The following TRPC4AP variants were observed in gnomAD, a reference collection of about 807,000 sequenced individuals.
The protein encoded by TRPC4AP is transient receptor potential cation channel subfamily C member 4 associated protein.
A neutral mutation model predicts 99.0 loss-of-function variants in TRPC4AP; 45 were observed. That is an observed-to-expected ratio of 0.45 (90% CI 0.36 to 0.58). The LOEUF is 0.58. TRPC4AP is among the 20% of genes least tolerant of loss of function. The pLI, the probability that TRPC4AP is intolerant of heterozygous loss-of-function variation, is 0.00. For missense variants in TRPC4AP, 879 were observed against 985.3 expected, an observed-to-expected ratio of 0.89 and a Z score of 1.44; for synonymous variants, 408 against 385.8, an observed-to-expected ratio of 1.06 and a Z score of -0.67.
At chr20:35,010,410 A>C in intron 11 of TRPC4AP, 122 bp from the exon 12 acceptor site, 4 of 747,956 alleles carry the variant, frequency 5.3e-6, no homozygotes, top group Non-Finnish European at 9.0e-6. Context: ...GCCACCAGGC[A>C]CTTTCCTCTA....
intron 17 of TRPC4AP, 138 bp from the exon 18 acceptor site, chr20:35,003,754 G>A (rs2082450212): frequency 2.1e-6 from 2 of 942,714 alleles, no homozygotes; most frequent in South Asian, 1.7e-5. Flanking sequence ...GCACAGAGGT[G>A]AGATAGGACT....
chr20:35,075,356 A>C (rs535837661), intron 2 of TRPC4AP, among the ~76,000 whole-genome samples: 7 of 152,220 alleles, frequency 4.6e-5, no homozygotes, highest in Non-Finnish European at 7.4e-5. Context: ...CTAGCATCGA[A>C]GGTCTTTACA....
Position 35,055,025 on chromosome 20 carries a change from T to A in TRPC4AP, c.479A>T (p.Asp160Val). 6.2e-7 allele frequency: 1 copy of A among 1,613,620 alleles called. No homozygotes were observed. The highest frequency in any genetic ancestry group is 8.5e-7 in the Non-Finnish European group (1 of 1,179,708). ...ACTCAAGCAGTCCTTGGACATTTCA[T>A]CACTTACTGAAAGTGAAAGGGTAAT... is the stretch of plus-strand genomic sequence containing the variant. ...SIRGQKLKISDEMSKDCLSIL... is the reference protein window; with the variant it reads ...SIRGQKLKISVEMSKDCLSIL... The change falls in exon 5 of 19, where the codon GAT becomes GTT. Residue 160 changes from aspartate to valine, a missense_variant. Asp to Val is a radical substitution (Grantham distance 152). Transcript: ENST00000252015.
chr20:35,091,469 A>T (rs1364554333), intron 1 of TRPC4AP, among the ~76,000 whole-genome samples: 1 of 152,172 alleles, frequency 6.6e-6, no homozygotes, highest in Non-Finnish European at 1.5e-5. Context: ...AAATAAAGTT[A>T]CACTGTGAAA....
Position 35,003,131 on chromosome 20 carries a change from A to T in TRPC4AP, c.*15T>A. 1 of 1,613,818 alleles carries T rather than the reference A, an allele frequency of 6.2e-7. No homozygotes were observed. The highest frequency in any genetic ancestry group is 8.5e-7 in the Non-Finnish European group (1 of 1,179,854). ...CCCACACTGGCCCAGCAGCCTCCCG[A>T]GGCCTGGCCCAAGGTCACTCCTCAG... On this transcript the variant is annotated 3_prime_UTR_variant, in exon 19 of 19. Transcript: ENST00000252015.
At chr20:35,084,524 A>ATATATG (rs2146034035) in intron 1 of TRPC4AP, among the ~76,000 whole-genome samples, 1 of 148,168 alleles carries the variant, frequency 6.7e-6, no homozygotes, top group African/African-American at 2.5e-5. Context: ...ATATATGTGT[A>ATATATG]TATATGTATA....
intron 8 of TRPC4AP, 35 bp downstream of exon 8, chr20:35,035,088 G>A: frequency 6.3e-7 from 1 of 1,574,858 alleles, no homozygotes; most frequent in South Asian, 1.2e-5. Flanking sequence ...CCAAGGAAAA[G>A]CTCCCGATCA....
intron 2 of TRPC4AP, among the ~76,000 whole-genome samples, chr20:35,071,027 C>G (rs1447696297): frequency 2.0e-5 from 3 of 150,780 alleles, no homozygotes; most frequent in Admixed American, 6.6e-5. Context: ...TTGCAAGAAG[C>G]AAATAATGTG....
intron 3 of TRPC4AP, among the ~76,000 whole-genome samples, chr20:35,062,958 T>C (rs1600624937): frequency 6.6e-6 from 1 of 152,256 alleles, no homozygotes; most frequent in Admixed American, 6.5e-5. Context: ...TCTGTTGATA[T>C]GAAATATCCG....
intron 3 of TRPC4AP, among the ~76,000 whole-genome samples, chr20:35,058,071 C>A (rs549548236): frequency 3.3e-5 from 5 of 151,818 alleles, no homozygotes; most frequent in Non-Finnish European, 1.5e-5. Flanking sequence ...ATTCATTCTA[C>A]GGAGAGAAAG....
At chr20:35,015,926 G>T in intron 10 of TRPC4AP, 82 bp downstream of exon 10, 1 of 1,568,896 alleles carries the variant, frequency 6.4e-7, no homozygotes, top group Non-Finnish European at 8.7e-7. Flanking sequence ...AAGGAAAAAA[G>T]GTCAAAGGGT....
At chr20:35,069,876 CG>C (rs2084258257) in intron 2 of TRPC4AP, among the ~76,000 whole-genome samples, 2 of 152,050 alleles carry the variant, frequency 1.3e-5, no homozygotes, top group African/African-American at 4.8e-5. Flanking sequence ...CGGAGGCAGA[CG>C]TTGCAGTGAG....
chr20:35,015,909 A>T lies in TRPC4AP; in HGVS notation c.1350+99T>A, dbSNP rs1387840077. On this transcript the variant is annotated intron_variant, in intron 10 of 18. Coordinates refer to ENST00000252015, the MANE Select transcript of TRPC4AP (RefSeq NM_015638.3). ...AAGATATGATTTTAGTTTCTGCTCT[A>T]CTCCCAAAGGAAAAAAGGTCAAAGG... 2.7e-6 allele frequency: 4 copies of T among 1,493,254 alleles called. No individual in the cohort carries two copies. The Admixed American group carries it at 6.0e-5, about 22-fold the overall frequency. 92.5% of individuals were successfully genotyped at this position (1,493,254 alleles called of 1,614,324 possible). A position where few individuals can be genotyped will look rare whatever the true frequency, so the allele number is the denominator to read the frequency against.
intron 1 of TRPC4AP, among the ~76,000 whole-genome samples, chr20:35,086,535 G>GA (rs2084879734): frequency 5.6e-5 from 1 of 17,746 alleles, no homozygotes; most frequent in African/African-American, 3.3e-4. Flanking sequence ...ATGTGTGTGT[G>GA]TGTGTGTGTG....
intron 6 of TRPC4AP, among the ~76,000 whole-genome samples, chr20:35,045,533 GCTA>G (rs1009851392): frequency 7.9e-5 from 12 of 151,862 alleles, no homozygotes; most frequent in African/African-American, 7.3e-5. Flanking sequence ...ATTACACCTG[GCTA>G]CTTTTTTAAT....
At chr20:35,033,255 TTTG>T (rs1354883552) in intron 8 of TRPC4AP, among the ~76,000 whole-genome samples, 1 of 151,970 alleles carries the variant, frequency 6.6e-6, no homozygotes, top group Non-Finnish European at 1.5e-5. Flanking sequence ...TCCTTCAGGG[TTTG>T]TTGTTGTTAT....
At chr20:35,022,614 A>G (rs1362428991) in intron 8 of TRPC4AP, among the ~76,000 whole-genome samples, 1 of 152,168 alleles carries the variant, frequency 6.6e-6, no homozygotes, top group Non-Finnish European at 1.5e-5. Flanking sequence ...GCTTCCCTAG[A>G]GGCCTTTTGC....
At chr20:35,032,331 T>C (rs1414975746) in intron 8 of TRPC4AP, among the ~76,000 whole-genome samples, 5 of 151,986 alleles carry the variant, frequency 3.3e-5, no homozygotes, top group African/African-American at 1.2e-4. Flanking sequence ...GGCCTGATTA[T>C]TATACTACTC....
intron 2 of TRPC4AP, among the ~76,000 whole-genome samples, chr20:35,074,565 C>T (rs6088701): frequency 0.59 from 89,243 of 151,986 alleles, 27,189 homozygotes; most frequent in Middle Eastern, 0.74. Flanking sequence ...TCAGTTTCCA[C>T]GTAGTTGAGT....
Sources: allele counts gnomAD v4.1 joint callset (sites outside exome capture counted in the v4.1 genomes callset), GRCh38; gene constraint gnomAD v4.1.1; transcripts MANE v1.5; gene names NCBI Gene and HGNC (gene_info 2026-07-23, HGNC 2026-07-21).